The following SCAPER variants were observed in gnomAD, a reference collection of about 807,000 sequenced individuals.
The protein encoded by SCAPER is S-phase cyclin A associated protein in the ER, also known as S phase cyclin A-associated protein in the endoplasmic reticulum.
Under a neutral mutation model 182.2 loss-of-function variants are expected in SCAPER, and 98 were observed. That is an observed-to-expected ratio of 0.54 (90% CI 0.46 to 0.64). The LOEUF is 0.64. Ranked by LOEUF, SCAPER falls within the 30% of genes least tolerant of loss-of-function variation. The probability of loss-of-function intolerance (pLI) is 0.00; values close to 1 mark genes in which losing one functional copy is unlikely to be tolerated. For missense variants in SCAPER, 1,432 were observed against 1,690.0 expected (o/e 0.85, Z 2.68); for synonymous variants, 605 against 564.6 (o/e 1.07, Z -1.01).
chr15:76,376,119 A>G, intron 29 of SCAPER, 43 bp downstream of exon 29: 1 of 1,606,390 alleles, frequency 6.2e-7, no homozygotes, highest in Non-Finnish European at 8.5e-7. Flanking sequence ...TCACACTCTC[A>G]GCACTGGGGG....
At chr15:76,622,157 C>G (rs1227732505) in intron 21 of SCAPER, among the ~76,000 whole-genome samples, 1 of 152,130 alleles carries the variant, frequency 6.6e-6, no homozygotes, top group African/African-American at 2.4e-5. Flanking sequence ...TACTTCTCTG[C>G]CCCTTTCTAA....
intron 8 of SCAPER, among the ~76,000 whole-genome samples, chr15:76,791,935 GT>G (rs1039199231): frequency 1.3e-5 from 2 of 148,624 alleles, no homozygotes; most frequent in African/African-American, 2.5e-5. Context: ...CAAATGATTG[GT>G]TTTTTTTTGT....
chr15:76,626,407 A>G (rs950053512), intron 21 of SCAPER, among the ~76,000 whole-genome samples: 2 of 152,246 alleles, frequency 1.3e-5, no homozygotes, highest in Non-Finnish European at 2.9e-5. Context: ...AGAAGATGAC[A>G]TAACAGCATA....
chr15:76,550,882 C>T (rs1482063393), intron 23 of SCAPER, among the ~76,000 whole-genome samples: 1 of 152,054 alleles, frequency 6.6e-6, no homozygotes, highest in East Asian at 1.9e-4. Context: ...TTAATAATCG[C>T]CATTCTGACT....
At chr15:76,654,209 T>C (rs889304550) in intron 21 of SCAPER, among the ~76,000 whole-genome samples, 1 of 152,308 alleles carries the variant, frequency 6.6e-6, no homozygotes, top group Admixed American at 6.5e-5. Flanking sequence ...AAGACCATCC[T>C]GGCTAACACG....
At chr15:76,524,816 T>C (rs2043083069) in intron 23 of SCAPER, among the ~76,000 whole-genome samples, 1 of 150,804 alleles carries the variant, frequency 6.6e-6, no homozygotes, top group African/African-American at 2.4e-5. Context: ...TAAATATGAA[T>C]GGTAGGTTTA....
At chr15:76,668,432 G>C (rs1306942741) in intron 20 of SCAPER, among the ~76,000 whole-genome samples, 1 of 152,110 alleles carries the variant, frequency 6.6e-6, no homozygotes, top group African/African-American at 2.4e-5. Flanking sequence ...CTGAGTCATT[G>C]ATCTCTCTGA....
intron 22 of SCAPER, among the ~76,000 whole-genome samples, chr15:76,602,738 G>C (rs2050013297): frequency 8.4e-6 from 1 of 119,392 alleles, no homozygotes; most frequent in African/African-American, 2.5e-5. Flanking sequence ...TTGTCCCACA[G>C]TTTCAGATAT....
At chr15:76,359,389 G>T (rs1365572468) in intron 29 of SCAPER, among the ~76,000 whole-genome samples, 2 of 152,240 alleles carry the variant, frequency 1.3e-5, no homozygotes, top group South Asian at 4.1e-4. Context: ...TGATGGGGCT[G>T]CCAGCCAGGA....
intron 16 of SCAPER, 63 bp from the exon 17 acceptor site, chr15:76,728,800 T>C: frequency 6.7e-7 from 1 of 1,495,646 alleles, no homozygotes; most frequent in Non-Finnish European, 9.0e-7. Context: ...TGATTCAAAG[T>C]AATATACCTT....
chr15:76,890,451 A>C (rs985124709), intron 1 of SCAPER, among the ~76,000 whole-genome samples: 1 of 152,338 alleles, frequency 6.6e-6, no homozygotes, highest in Admixed American at 6.5e-5. Context: ...AGACCGAAGA[A>C]TGAAATAGAT....
chr15:76,497,400 T>C (rs982241585), intron 24 of SCAPER, among the ~76,000 whole-genome samples: 2 of 152,066 alleles, frequency 1.3e-5, no homozygotes, highest in African/African-American at 2.4e-5. Context: ...TAGTCAGCTA[T>C]GGCCATTGAG....
intron 28 of SCAPER, among the ~76,000 whole-genome samples, chr15:76,377,363 A>T (rs1424820362): frequency 1.3e-5 from 2 of 150,212 alleles, no homozygotes; most frequent in African/African-American, 4.8e-5. Context: ...GCTCCTTTAA[A>T]TCAAGCAGTG....
intron 22 of SCAPER, among the ~76,000 whole-genome samples, chr15:76,606,775 CTTCT>C (rs1379528500): frequency 1.3e-5 from 2 of 151,636 alleles, no homozygotes; most frequent in Non-Finnish European, 1.5e-5. Flanking sequence ...ATGTAATGGC[CTTCT>C]TTGTCTCTTT....
chr15:76,682,264 T>TCCCCCCC (rs573661987), intron 20 of SCAPER, among the ~76,000 whole-genome samples: 8 of 130,512 alleles, frequency 6.1e-5, no homozygotes, highest in East Asian at 5.3e-4. Flanking sequence ...TCACCTCCCT[T>TCCCCCCC]CCCCCCCCCA....
At chr15:76,453,583 C>T (rs549071569) in intron 25 of SCAPER, among the ~76,000 whole-genome samples, 1 of 152,314 alleles carries the variant, frequency 6.6e-6, no homozygotes, top group Admixed American at 6.5e-5. Context: ...TCATTGCAGC[C>T]TATCAGGTAG....
Position 76,903,281 on chromosome 15 carries a change from A to G in SCAPER, c.-60+2018T>C, listed in dbSNP as rs1595980267. On this transcript the variant is annotated intron_variant, in intron 1 of 31. Coordinates refer to ENST00000563290, the MANE Select transcript of SCAPER (RefSeq NM_020843.4). ...CAGTCACCAAAATTTATTTATAAAC[A>G]CATTTGTACAGTACTGCTGATTACA... is the stretch of plus-strand genomic sequence containing the variant. Among the ~76,000 whole-genome samples, 5 of 152,372 alleles carry G rather than the reference A, an allele frequency of 3.3e-5. No individual in the cohort carries two copies. The South Asian group carries it at 1.0e-3, about 32-fold the overall frequency.
intron 1 of SCAPER, among the ~76,000 whole-genome samples, chr15:76,895,985 A>G (rs2074417359): frequency 6.6e-6 from 1 of 151,620 alleles, no homozygotes; most frequent in South Asian, 2.1e-4. Flanking sequence ...GCTTGCAGTG[A>G]GCTGAGATTG....
In SCAPER at chr15:76,799,308, C is replaced by T. The variant is rs996219597; in HGVS notation, c.611+940G>A. Among the ~76,000 whole-genome samples, 5 of 137,090 alleles carry T rather than the reference C, an allele frequency of 3.6e-5. No individual in the cohort carries two copies. In the East Asian group the frequency reaches 6.2e-4, roughly 17 times the overall value. 89.9% of individuals were successfully genotyped at this position (137,090 alleles called of 152,430 possible). ...TGGAATTTTTTTTTTTTTTTTGAGA[C>T]GGAGTCTCACTCTGCTGCCCAGGCT... is the stretch of plus-strand genomic sequence containing the variant. On this transcript the variant is annotated intron_variant, in intron 7 of 31. Coordinates refer to ENST00000563290, the MANE Select transcript of SCAPER (RefSeq NM_020843.4).
Sources: gnomAD v4.1 joint callset for allele counts (sites outside exome capture counted in the v4.1 genomes callset) on GRCh38, gnomAD v4.1.1 for gene constraint, MANE v1.5 for transcripts, NCBI Gene and HGNC (gene_info 2026-07-23, HGNC 2026-07-21) for gene names.